The following MGAM2 variants were observed in gnomAD, a reference collection of about 807,000 sequenced individuals.
The protein encoded by MGAM2 is probable maltase-glucoamylase 2.
A neutral mutation model predicts 96.1 loss-of-function variants in MGAM2; 98 were observed. The observed-to-expected ratio is 1.02, with a 90% CI of 0.87 to 1.21. The LOEUF (loss-of-function observed/expected upper bound fraction) is 1.21, where lower values mean the gene tolerates loss of function less well. Among genes scored for constraint, MGAM2 ranks in the 50% most tolerant of loss-of-function variants. The probability of loss-of-function intolerance (pLI) is 0.00; values close to 1 mark genes in which losing one functional copy is unlikely to be tolerated. For synonymous variants in MGAM2, 749 were observed against 414.8 expected, an observed-to-expected ratio of 1.81 and a Z score of -9.79; for missense variants, 2,055 against 1,182.4, an observed-to-expected ratio of 1.74 and a Z score of -10.82.
intron 26 of MGAM2, among the ~76,000 whole-genome samples, chr7:142,168,451 G>A (rs949603210): frequency 3.3e-5 from 5 of 152,000 alleles, no homozygotes; most frequent in African/African-American, 1.2e-4. Context: ...TTGTATTTTA[G>A]TAGAGATAGG....
rs1375318389 is a variant in MGAM2 at position 142,222,292 on chromosome 7, T to C, written c.*233T>C. On this transcript the variant is annotated 3_prime_UTR_variant, in exon 48 of 48. Coordinates refer to ENST00000477922, the MANE Select transcript of MGAM2 (RefSeq NM_001293626.2). Reference sequence around the variant, plus strand: ...ACCAAAGAAGCTGTGGGTACTTATTTTGCAACCATAGTATGTGCTCTTATT... The same window carrying C: ...ACCAAAGAAGCTGTGGGTACTTATTCTGCAACCATAGTATGTGCTCTTATT... The C allele has an allele frequency of 5.5e-6, 2 of 364,516 alleles. No homozygotes were observed. The highest frequency in any genetic ancestry group is 4.2e-5 in the African/African-American group (2 of 47,956). 22.6% of individuals were successfully genotyped at this position (364,516 alleles called of 1,614,324 possible).
intron 37 of MGAM2, among the ~76,000 whole-genome samples, chr7:142,190,707 ATTG>A: frequency 6.6e-6 from 1 of 152,200 alleles, no homozygotes; most frequent in East Asian, 1.9e-4. Flanking sequence ...GTGATATCTA[ATTG>A]TTGTTTTCAC....
intron 46 of MGAM2, among the ~76,000 whole-genome samples, chr7:142,208,974 G>A (rs949914986): frequency 4.6e-5 from 7 of 152,132 alleles, no homozygotes; most frequent in South Asian, 2.1e-4. Context: ...CATAAAAGAC[G>A]ACCTCAAAAC....
chr7:142,168,346 T>C (rs1796090639), intron 26 of MGAM2, among the ~76,000 whole-genome samples: 1 of 151,936 alleles, frequency 6.6e-6, no homozygotes, highest in Non-Finnish European at 1.5e-5. Flanking sequence ...CTTGGCTCAC[T>C]GGAACCTCTG....
At chr7:142,191,200 A>G (rs1585202833) in intron 37 of MGAM2, among the ~76,000 whole-genome samples, 1 of 152,296 alleles carries the variant, frequency 6.6e-6, no homozygotes, top group Non-Finnish European at 1.5e-5. Flanking sequence ...CTCATGAGAT[A>G]TATAGTTTGA....
At chr7:142,190,867 G>A (rs545656230) in intron 37 of MGAM2, among the ~76,000 whole-genome samples, 1 of 151,914 alleles carries the variant, frequency 6.6e-6, no homozygotes, top group East Asian at 1.9e-4. Context: ...AGGCGTGGTG[G>A]CTCACACCTG....
chr7:142,216,062 A>G (rs1274904965), intron 46 of MGAM2, among the ~76,000 whole-genome samples: 1 of 152,162 alleles, frequency 6.6e-6, no homozygotes, highest in Non-Finnish European at 1.5e-5. Flanking sequence ...TTTGGCACAT[A>G]TAAATCTCAT....
At chr7:142,143,397 T>C (rs1024238258) in intron 12 of MGAM2, among the ~76,000 whole-genome samples, 1 of 152,214 alleles carries the variant, frequency 6.6e-6, no homozygotes, top group Non-Finnish European at 1.5e-5. Context: ...CAAAGTAGAC[T>C]TTATGTGACC....
chr7:142,132,535 TA>T (rs1254712624), intron 6 of MGAM2, among the ~76,000 whole-genome samples: 12 of 134,724 alleles, frequency 8.9e-5, no homozygotes, highest in African/African-American at 3.1e-4. Context: ...TTAAAATATA[TA>T]AAATATATAA....
chr7:142,131,800 T>C, intron 5 of MGAM2, 131 bp from the exon 6 acceptor site: 1 of 612,042 alleles, frequency 1.6e-6, no homozygotes, highest in South Asian at 2.0e-5. Flanking sequence ...ATTTCACAAA[T>C]CAGAAGCCAC....
In MGAM2 at chr7:142,196,848, G is replaced by A. The variant is rs533622233; in HGVS notation, c.4632+32G>A. 2.4e-5 allele frequency: 18 copies of A among 755,904 alleles called. No homozygotes were observed. In the East Asian group the frequency reaches 4.2e-4, roughly 18 times the overall value. The allele number at this position is 755,904 out of a possible 1,614,324, so 46.8% of individuals were successfully genotyped here. A position where few individuals can be genotyped will look rare whatever the true frequency, so the allele number is the denominator to read the frequency against. The stretch of plus-strand genomic sequence containing the variant: ...CAGTAGTTCGTGCTCCAGGTGTTGT[G>A]TACCCTCAAATCATAACTTCTTTTT... On this transcript the variant is annotated intron_variant, in intron 40 of 47. Transcript: ENST00000477922.
intron 9 of MGAM2, among the ~76,000 whole-genome samples, 153 bp from the exon 10 acceptor site, chr7:142,138,389 T>C (rs143028436): frequency 4.9e-4 from 74 of 152,330 alleles, no homozygotes; most frequent in African/African-American, 1.7e-3. Flanking sequence ...AATACATTTA[T>C]GTACTTAGTA....
chr7:142,134,673 AT>A (rs915540312), intron 7 of MGAM2, among the ~76,000 whole-genome samples: 3 of 152,112 alleles, frequency 2.0e-5, no homozygotes, highest in African/African-American at 7.2e-5. Flanking sequence ...CCAAATATGC[AT>A]TTTTGCAAGA....
At chr7:142,176,742 T>G (rs1026413022) in intron 32 of MGAM2, among the ~76,000 whole-genome samples, 1 of 152,194 alleles carries the variant, frequency 6.6e-6, no homozygotes, top group Non-Finnish European at 1.5e-5. Context: ...GCTATTATAC[T>G]CTGGAAACAT....
At chr7:142,135,287 A>G (rs899868558) in intron 7 of MGAM2, among the ~76,000 whole-genome samples, 1 of 152,218 alleles carries the variant, frequency 6.6e-6, no homozygotes, top group African/African-American at 2.4e-5. Flanking sequence ...CATGTAATAA[A>G]TGTTTGGTCA....
At position 142,220,802 on chromosome 7, in the gene MGAM2, C is replaced by T. The variant is rs952400631; in HGVS notation, c.6291C>T (p.Thr2097=). 3.7e-5 allele frequency: 26 copies of T among 701,948 alleles called. No homozygotes were observed. The highest frequency in any genetic ancestry group is 2.3e-4 in the Middle Eastern group (1 of 4,386). The allele number at this position is 701,948 out of a possible 1,614,324, so 43.5% of individuals were successfully genotyped here. A position where few individuals can be genotyped will look rare whatever the true frequency, so the allele number is the denominator to read the frequency against. The change falls in exon 48 of 48, where the codon ACC becomes ACT. Residue 2097 remains threonine, a synonymous_variant. Coordinates refer to ENST00000477922, the MANE Select transcript of MGAM2 (RefSeq NM_001293626.2). ...TSSTTVSTIA[T]VPISVTPSLT... ...GTACTACTGTGAGTACTATTGCTAC[C>T]GTTCCCATTTCAGTGACTCCTTCTC...
intron 3 of MGAM2, among the ~76,000 whole-genome samples, chr7:142,122,427 G>A (rs1007329672): frequency 3.3e-5 from 5 of 152,194 alleles, no homozygotes; most frequent in Non-Finnish European, 7.3e-5. Context: ...TATGGCAAAT[G>A]ACTACACATG....
intron 17 of MGAM2, 112 bp downstream of exon 17, chr7:142,154,957 G>A (rs566624505): frequency 4.7e-6 from 3 of 638,292 alleles, no homozygotes; most frequent in Non-Finnish European, 8.5e-6. Flanking sequence ...GCAGCAGAAG[G>A]ATAAAAAAGT....
chr7:142,220,882 C>T lies in MGAM2; in HGVS notation c.6371C>T (p.Ser2124Phe). The T allele has an allele frequency of 1.4e-6, 1 of 702,042 alleles. No individual in the cohort carries two copies. Among genetic ancestry groups the T allele is most frequent in the East Asian group, 2.7e-5 (1 of 37,256 alleles). 43.5% of individuals were successfully genotyped at this position (702,042 alleles called of 1,614,324 possible). The change falls in exon 48 of 48, where the codon TCT (serine) becomes TTT (phenylalanine). Residue 2124 changes from serine (S) to phenylalanine (F), a missense_variant. Physicochemically the swap from Ser to Phe is radical, Grantham distance 155. Transcript: ENST00000477922. ...ISTTVLIATT[S>F]SLTGTTDVST... ...ACTACTGTACTTATTGCCACTACTT[C>T]TTCTCTAACAGGTACTACTGATGTT... is the stretch of plus-strand genomic sequence containing the variant.
Sources: allele counts gnomAD v4.1 joint callset (sites outside exome capture counted in the v4.1 genomes callset), GRCh38; gene constraint gnomAD v4.1.1; transcripts MANE v1.5; gene names NCBI Gene and HGNC (gene_info 2026-07-23, HGNC 2026-07-21).